Variants in NFAT5 observed in about 807,000 individuals in gnomAD.
The protein encoded by NFAT5 is nuclear factor of activated T-cells 5.
Under a neutral mutation model 166.5 loss-of-function variants are expected in NFAT5, and 31 were observed. The ratio of observed to expected loss-of-function variants is 0.19; its 90% CI spans 0.14 to 0.25. The LOEUF is 0.25. Among genes scored for constraint, NFAT5 ranks in the 10% least tolerant of loss-of-function variants. NFAT5 has a pLI of 1.00. For synonymous variants in NFAT5, 612 were observed against 639.7 expected, an observed-to-expected ratio of 0.96 and a Z score of 0.65; for missense variants, 1,449 against 1,821.8, an observed-to-expected ratio of 0.80 and a Z score of 3.72.
At position 69,700,377 on chromosome 16, in the gene NFAT5, C is replaced by CGA. The variant is rs2037877070; in HGVS notation, c.*4026_*4027insGA. The CGA allele has an allele frequency of 6.6e-6, 1 of 152,170 alleles. No homozygotes were observed. Among genetic ancestry groups the CGA allele is most frequent in the Non-Finnish European group, 1.5e-5 (1 of 68,028 alleles). 9.4% of individuals were successfully genotyped at this position (152,170 alleles called of 1,614,324 possible). A position where few individuals can be genotyped will look rare whatever the true frequency, so the allele number is the denominator to read the frequency against. ...AAGTTGTATCTGAGTCCCTCCAGAA[C>CGA]TAAGATAATTCTTTTTGACCATTTA... On this transcript the variant is annotated 3_prime_UTR_variant, in exon 15 of 15. Transcript: ENST00000349945.
chr16:69,672,593 T>G (rs998326197), intron 9 of NFAT5, among the ~76,000 whole-genome samples: 1 of 152,194 alleles, frequency 6.6e-6, no homozygotes, highest in Admixed American at 6.5e-5. Flanking sequence ...AAGAAAAACT[T>G]ATTAGTTCAT....
intron 2 of NFAT5, among the ~76,000 whole-genome samples, chr16:69,609,262 A>G (rs2033585848): frequency 6.6e-6 from 1 of 152,228 alleles, no homozygotes; most frequent in Non-Finnish European, 1.5e-5. Flanking sequence ...ATCCATTTTC[A>G]TTCCAGCTGC....
intron 4 of NFAT5, among the ~76,000 whole-genome samples, chr16:69,650,200 A>G (rs1327599270): frequency 1.3e-5 from 2 of 152,096 alleles, no homozygotes; most frequent in Non-Finnish European, 2.9e-5. Flanking sequence ...TCATTTTAAG[A>G]CTTCTGAATA....
intron 2 of NFAT5, among the ~76,000 whole-genome samples, chr16:69,590,123 A>G (rs544951576): frequency 3.3e-5 from 5 of 152,326 alleles, no homozygotes; most frequent in South Asian, 2.1e-4. Flanking sequence ...ACAGTGAACT[A>G]TGATCGCACG....
rs142235453 is a variant in NFAT5, at chr16:69,702,616, A to C, written c.*6265A>C. ...AATGTAAATTCTTTGGCCCCATCCCAGACATACTGAGTCAGAAACTCTGGA... is the reference window on the plus strand; with the variant it reads ...AATGTAAATTCTTTGGCCCCATCCCCGACATACTGAGTCAGAAACTCTGGA... On this transcript the variant is annotated 3_prime_UTR_variant, in exon 15 of 15. Transcript: ENST00000349945. The C allele has an allele frequency of 2.6e-5, 4 of 151,640 alleles. No homozygotes were observed. The East Asian group carries it at 7.8e-4, about 29-fold the overall frequency. 9.4% of individuals were successfully genotyped at this position (151,640 alleles called of 1,614,324 possible).
intron 3 of NFAT5, chr16:69,644,722 A>C: frequency 2.7e-6 from 1 of 371,286 alleles, no homozygotes; most frequent in South Asian, 2.0e-5. Context: ...GTGCATATTA[A>C]ATTCATAATA....
intron 2 of NFAT5, among the ~76,000 whole-genome samples, chr16:69,572,392 T>C (rs2016495684): frequency 6.6e-6 from 1 of 152,222 alleles, no homozygotes; most frequent in African/African-American, 2.4e-5. Context: ...ACTGATTTTC[T>C]ATTTTTCAAT....
chr16:69,601,090 C>T (rs556535315), intron 2 of NFAT5, among the ~76,000 whole-genome samples: 15 of 152,062 alleles, frequency 9.9e-5, no homozygotes, highest in Admixed American at 2.6e-4. Flanking sequence ...TTAGAATTTA[C>T]GCACACACAC....
chr16:69,694,444 G>A (rs753654570), intron 13 of NFAT5, among the ~76,000 whole-genome samples: 1 of 152,030 alleles, frequency 6.6e-6, no homozygotes, highest in Non-Finnish European at 1.5e-5. Context: ...TGTTAGAGGC[G>A]GGGTTTCACC....
At chr16:69,656,943 A>G (rs1334069800) in intron 6 of NFAT5, among the ~76,000 whole-genome samples, 1 of 152,158 alleles carries the variant, frequency 6.6e-6, no homozygotes, top group Admixed American at 6.5e-5. Context: ...CCTTTTGTAA[A>G]GGACCTTTAA....
In NFAT5 at chr16:69,566,511, G is replaced by T. The variant is rs539867243; in HGVS notation, c.73+137G>T. 3.9e-6 allele frequency: 3 copies of T among 765,986 alleles called. No homozygotes were observed. The African/African-American group carries it at 5.2e-5, about 13-fold the overall frequency. The allele number at this position is 765,986 out of a possible 1,614,324, so 47.4% of individuals were successfully genotyped here. A position where few individuals can be genotyped will look rare whatever the true frequency, so the allele number is the denominator to read the frequency against. Reference sequence around the variant, plus strand: ...CCCCCATGGCTTCTTTGGCCGGAGCGGGCAGAGGCCGAAGGGATCGGGGTG... The same window carrying T: ...CCCCCATGGCTTCTTTGGCCGGAGCTGGCAGAGGCCGAAGGGATCGGGGTG... On this transcript the variant is annotated intron_variant, in intron 1 of 14. Coordinates refer to ENST00000349945, the MANE Select transcript of NFAT5 (RefSeq NM_138713.4). The surrounding 1 kb of genome is among the most constrained non-coding windows in gnomAD (Gnocchi z 5.7).
At chr16:69,681,873 G>A (rs776371394) in intron 10 of NFAT5, among the ~76,000 whole-genome samples, 9 of 150,068 alleles carry the variant, frequency 6.0e-5, no homozygotes, top group Middle Eastern at 6.9e-3. Flanking sequence ...AGCTGAGATC[G>A]CGCCACTGTA....
intron 3 of NFAT5, among the ~76,000 whole-genome samples, chr16:69,636,560 G>T (rs781750441): frequency 6.6e-6 from 1 of 152,186 alleles, no homozygotes; most frequent in Non-Finnish European, 1.5e-5. Flanking sequence ...CTAGGCGGAG[G>T]TTCCCAAATC....
rs561832572 is a variant in NFAT5, at chr16:69,602,635, G to T, written c.128-23768G>T. 2.4e-4 allele frequency among the ~76,000 whole-genome samples: 35 copies of T among 144,820 alleles called. No individual in the cohort carries two copies. The South Asian group carries it at 4.6e-3, about 19-fold the overall frequency. ...CTCACTCTCAAAATCTATAAGAAAA[G>T]ATTTTCCAGCCTAGGCTGGAGTGCA... On this transcript the variant is annotated intron_variant, in intron 2 of 14. Coordinates refer to ENST00000349945, the MANE Select transcript of NFAT5 (RefSeq NM_138713.4).
At chr16:69,640,436 G>A (rs1476196991) in intron 3 of NFAT5, among the ~76,000 whole-genome samples, 2 of 152,184 alleles carry the variant, frequency 1.3e-5, no homozygotes, top group Non-Finnish European at 2.9e-5. Context: ...AATGAAGGTT[G>A]GCATGTAAGG....
intron 7 of NFAT5, among the ~76,000 whole-genome samples, chr16:69,662,585 G>A (rs12924880): frequency 2.7e-5 from 4 of 149,230 alleles, no homozygotes; most frequent in African/African-American, 4.9e-5. Context: ...TCAGCCTCCC[G>A]AGTAGCTGGG....
In NFAT5 at chr16:69,646,286, T is replaced by C. The variant is rs369453969; in HGVS notation, c.254-742T>C. ...ATGGTTTTGAACTACCACTTCCAGC[T>C]TCTGGAGACCCAATGATTAACTTGC... On this transcript the variant is annotated intron_variant, in intron 3 of 14. Coordinates refer to ENST00000349945, the MANE Select transcript of NFAT5 (RefSeq NM_138713.4). 3.3e-5 allele frequency among the ~76,000 whole-genome samples: 5 copies of C among 152,354 alleles called. No individual in the cohort carries two copies. In the East Asian group the frequency reaches 9.6e-4, roughly 29 times the overall value.
chr16:69,632,281 T>C (rs574522365), intron 3 of NFAT5: 13 of 152,366 alleles, frequency 8.5e-5, no homozygotes, highest in Non-Finnish European at 1.9e-4. Context: ...GTTCCTACTA[T>C]GTGACAAGAA....
intron 3 of NFAT5, 124 bp from the exon 4 acceptor site, chr16:69,646,904 C>G: frequency 2.4e-6 from 2 of 849,248 alleles, no homozygotes; most frequent in East Asian, 5.1e-5. Context: ...TAAAACATAA[C>G]CAAATTCTGA....
Sources: gnomAD v4.1 joint callset for allele counts (sites outside exome capture counted in the v4.1 genomes callset) on GRCh38, gnomAD v4.1.1 for gene constraint, Gnocchi (gnomAD v3.1) non-coding constraint, MANE v1.5 for transcripts, NCBI Gene and HGNC (gene_info 2026-07-23, HGNC 2026-07-21) for gene names.